SLX4: variants seen among roughly 807,000 people sequenced by gnomAD.
The protein encoded by SLX4 is structure-specific endonuclease subunit SLX4.
SLX4 carries 112 observed loss-of-function variants against 146.2 expected under a neutral mutation model. The ratio of observed to expected loss-of-function variants is 0.77; its 90% CI spans 0.66 to 0.90. The LOEUF (loss-of-function observed/expected upper bound fraction) is 0.90. Among genes scored for constraint, SLX4 ranks in the 40% least tolerant of loss-of-function variants. The pLI, the probability that SLX4 is intolerant of heterozygous loss-of-function variation, is 0.00. For missense variants in SLX4, 2,563 were observed against 2,392.7 expected, an observed-to-expected ratio of 1.07 and a Z score of -1.49; for synonymous variants, 1,061 against 997.7, an observed-to-expected ratio of 1.06 and a Z score of -1.20.
Position 3,582,279 on chromosome 16 carries a change from C to A in SLX4, c.*63G>T. ...ACCCACGCTGGGTGTCCCAGGTCCTCCCTGCAAATGGCGGGGGTGGGGGCT... is the reference window on the plus strand; with the variant it reads ...ACCCACGCTGGGTGTCCCAGGTCCTACCTGCAAATGGCGGGGGTGGGGGCT... On this transcript the variant is annotated 3_prime_UTR_variant, in exon 15 of 15. Transcript: ENST00000294008. The A allele has an allele frequency of 6.8e-7, 1 of 1,471,500 alleles. No homozygotes were observed. The highest frequency in any genetic ancestry group is 9.3e-7 in the Non-Finnish European group (1 of 1,077,766). The allele number at this position is 1,471,500 out of a possible 1,614,324, so 91.2% of individuals were successfully genotyped here.
rs1280479972 is a variant in SLX4, at chr16:3,609,268, C to A, written c.-304G>T. 3.0e-6 allele frequency: 1 copy of A among 337,870 alleles called. No individual in the cohort carries two copies. The highest frequency in any genetic ancestry group is 5.7e-6 in the Non-Finnish European group (1 of 174,164). The allele number at this position is 337,870 out of a possible 1,614,324, so 20.9% of individuals were successfully genotyped here. A position where few individuals can be genotyped will look rare whatever the true frequency, so the allele number is the denominator to read the frequency against. On this transcript the variant is annotated 5_prime_UTR_variant, in exon 2 of 15. Transcript: ENST00000294008. ...CTGAAAATACAAAAAATTGGCCAGG[C>A]GTGGTAGCAGATGCCTGTAATCCCA...
rs1484366381 is a variant in SLX4, at chr16:3,590,485, T to C, written c.3153A>G (p.Thr1051=). Residue 1051 remains threonine, a synonymous_variant, in exon 12 of 15, where the codon ACA becomes ACG. Transcript: ENST00000294008. The surrounding 1 kb of genome is among the most constrained non-coding windows in gnomAD (Gnocchi z 4.8). ...GGGGTGTTGACAGGGACGACCCACT[T>C]GTGTGATGAGACCCGCGGGGACTCC... ...QGGSPRGSHH[T]SGSSLSTPRS... is the part of the protein sequence containing the mutation. The C allele has an allele frequency of 1.2e-6, 2 of 1,613,970 alleles. No homozygotes were observed. The highest frequency in any genetic ancestry group is 8.5e-7 in the Non-Finnish European group (1 of 1,179,906).
At position 3,597,368 on chromosome 16, in the gene SLX4, G is replaced by A; in HGVS notation, c.1683+11C>T. ...AAAAGCCTATCCATGTGCCTGAGGGGAGGGACTCACCTGGGCAGGCCGCTG... is the reference window on the plus strand; with the variant it reads ...AAAAGCCTATCCATGTGCCTGAGGGAAGGGACTCACCTGGGCAGGCCGCTG... On this transcript the variant is annotated intron_variant, in intron 7 of 14. Coordinates refer to ENST00000294008, the MANE Select transcript of SLX4 (RefSeq NM_032444.4). The surrounding 1 kb of genome is among the most constrained non-coding windows in gnomAD (Gnocchi z 4.4). 6.5e-7 allele frequency: 1 copy of A among 1,538,710 alleles called. No individual in the cohort carries two copies. The highest frequency in any genetic ancestry group is 1.4e-5 in the African/African-American group (1 of 73,688).
At position 3,595,632 on chromosome 16, in the gene SLX4, C is replaced by A; in HGVS notation, c.1986G>T (p.Lys662Asn). The stretch of plus-strand genomic sequence containing the variant: ...AGGTGCGGCCGCCCCTGTCCGGGTG[C>A]TTGTCCTGCGATGGCACCACAAACC... The part of the protein sequence containing the change: ...LTGFVVPSQD[K>N]HPDRGGRTLL... Residue 662 changes from lysine to asparagine, a missense_variant, in exon 9 of 15, where the codon AAG becomes AAT. Lys to Asn is a moderately conservative substitution (Grantham distance 94). Coordinates refer to ENST00000294008, the MANE Select transcript of SLX4 (RefSeq NM_032444.4). The A allele has an allele frequency of 6.2e-7, 1 of 1,614,084 alleles. No individual in the cohort carries two copies. Among genetic ancestry groups the A allele is most frequent in the African/African-American group, 1.3e-5 (1 of 75,052 alleles).
At chr16:3,594,299 G>A (rs1428790652) in intron 10 of SLX4, among the ~76,000 whole-genome samples, 154 bp downstream of exon 10, 1 of 152,104 alleles carries the variant, frequency 6.6e-6, no homozygotes, top group Non-Finnish European at 1.5e-5. Flanking sequence ...ACGGATGGTT[G>A]GGAGGGAGAA....
At chr16:3,591,353 G>T in intron 11 of SLX4, 43 bp from the exon 12 acceptor site, 1 of 1,603,500 alleles carries the variant, frequency 6.2e-7, no homozygotes, top group South Asian at 1.1e-5. Context: ...TCTGCGTGGA[G>T]ATGGGCTCTG....
chr16:3,592,594 A>T, intron 11 of SLX4, 105 bp downstream of exon 11: 1 of 1,303,186 alleles, frequency 7.7e-7, no homozygotes, highest in Non-Finnish European at 1.1e-6. Context: ...CAGGACTGTT[A>T]GTTCTCTTGG....
chr16:3,596,027 G>A lies in SLX4; in HGVS notation c.1924+126C>T, dbSNP rs1001605092. 31 of 1,371,272 alleles carry A rather than the reference G, an allele frequency of 2.3e-5. No individual in the cohort carries two copies. The Admixed American group carries it at 5.2e-4, about 23-fold the overall frequency. 84.9% of individuals were successfully genotyped at this position (1,371,272 alleles called of 1,614,324 possible). On this transcript the variant is annotated intron_variant, in intron 8 of 14. Coordinates refer to ENST00000294008, the MANE Select transcript of SLX4 (RefSeq NM_032444.4). ...AAAAATGAAAGCGCCCAGAGGCTGC[G>A]TGTTCTCCCACCAGGTCAGAGCTGC...
At chr16:3,607,894 A>T (rs2040804916) in intron 2 of SLX4, among the ~76,000 whole-genome samples, 1 of 152,250 alleles carries the variant, frequency 6.6e-6, no homozygotes, top group Admixed American at 6.5e-5. Context: ...GAGAAGCAGC[A>T]TTATTGTGTT....
In SLX4 at chr16:3,589,226, C is replaced by T. The variant is rs748571054; in HGVS notation, c.4412G>A (p.Gly1471Glu). Residue 1471 changes from glycine to glutamate, a missense_variant, in exon 12 of 15, where the codon GGA becomes GAA. Transcript: ENST00000294008. The surrounding 1 kb of genome is among the most constrained non-coding windows in gnomAD (Gnocchi z 6.2). ...AADSRDCRSP[G>E]LLDTTPIRGS... ...TCGGATGGGGGTGGTGTCCAGGAGT[C>T]CCGGGGAGCGACAGTCACGGCTGTC... The T allele has an allele frequency of 1.2e-6, 2 of 1,610,458 alleles. No homozygotes were observed. The highest frequency in any genetic ancestry group is 2.2e-5 in the South Asian group (2 of 90,982).
intron 9 of SLX4, 43 bp downstream of exon 9, chr16:3,595,562 G>C (rs1405775390): frequency 6.2e-7 from 1 of 1,606,918 alleles, no homozygotes; most frequent in Non-Finnish European, 8.5e-7. Context: ...ATGGCAAGTG[G>C]GATGGCCGGG....
In SLX4 at chr16:3,608,601, T is replaced by G. The variant is rs2040812728; in HGVS notation, c.364A>C (p.Lys122Gln). 3 of 1,613,988 alleles carry G rather than the reference T, an allele frequency of 1.9e-6. No individual in the cohort carries two copies. The highest frequency in any genetic ancestry group is 3.3e-5 in the Admixed American group (2 of 59,972). ...GCTTGCCATTTGGTTACCCTTTGCT[T>G]TTTAGTCCTAGGGGCCTGGCTGCCA... ...PSGSQAPRTK[K>Q]QRVTKWQASE... Residue 122 changes from lysine (K) to glutamine (Q), a missense_variant, in exon 2 of 15, where the codon AAG becomes CAG. Transcript: ENST00000294008.
In SLX4 at chr16:3,594,587, G is replaced by T. The variant is rs199711185; in HGVS notation, c.2026C>A (p.Leu676Met). Residue 676 changes from leucine (L) to methionine (M), a missense_variant, in exon 10 of 15, where the codon CTG becomes ATG. By Grantham distance (15) the Leu-to-Met change is conservative. Transcript: ENST00000294008. ...RGGRTLLSLG[L>M]LVADFGAMVN... Reference sequence around the variant, plus strand: ...ATGGCGCCAAAGTCAGCAACCAGCAGCCCGAGGGAGAGCTGAAGCAGGAGG... The same window carrying T: ...ATGGCGCCAAAGTCAGCAACCAGCATCCCGAGGGAGAGCTGAAGCAGGAGG... 6.2e-7 allele frequency: 1 copy of T among 1,614,104 alleles called. No homozygotes were observed.
Position 3,590,433 on chromosome 16 carries a change from C to A in SLX4, c.3205G>T (p.Gly1069Cys). The change falls in exon 12 of 15, where the codon GGC becomes TGC. Residue 1069 changes from glycine (G) to cysteine (C), a missense_variant. Coordinates refer to ENST00000294008, the MANE Select transcript of SLX4 (RefSeq NM_032444.4). The surrounding 1 kb of genome is among the most constrained non-coding windows in gnomAD (Gnocchi z 4.8). ...PRSRGGTSQV[G>C]SPTLLSPAVP... ...GCTGGAGACAGCAAGGTTGGGGAGCCCACCTGGGAAGTTCCGCCACGGGAC... is the reference window on the plus strand; with the variant it reads ...GCTGGAGACAGCAAGGTTGGGGAGCACACCTGGGAAGTTCCGCCACGGGAC... The A allele has an allele frequency of 1.2e-6, 2 of 1,614,180 alleles. No homozygotes were observed. The highest frequency in any genetic ancestry group is 1.7e-6 in the Non-Finnish European group (2 of 1,180,028).
At position 3,589,482 on chromosome 16, in the gene SLX4, G is replaced by A. The variant is rs1374549534; in HGVS notation, c.4156C>T (p.Gln1386Ter). Residue 1386 changes from glutamine to a stop codon, truncating the protein, a stop_gained, in exon 12 of 15, where the codon CAG (glutamine) becomes TAG (stop). Coordinates refer to ENST00000294008, the MANE Select transcript of SLX4 (RefSeq NM_032444.4). LOFTEE classifies it high-confidence loss of function. This position sits in a 1 kb window ranked among gnomAD's most constrained non-coding sequence, Gnocchi z 6.2. ...HSPPGPSFLNQTPAGEVVEVG... is the reference protein window; with the variant it reads ...HSPPGPSFLN ...TCCACCACTTCACCCGCTGGGGTCTGGTTCAGGAAGCTTGGCCCAGGCGGC... is the reference window on the plus strand; with the variant it reads ...TCCACCACTTCACCCGCTGGGGTCTAGTTCAGGAAGCTTGGCCCAGGCGGC... 3 of 1,610,246 alleles carry A rather than the reference G, an allele frequency of 1.9e-6. No homozygotes were observed. The highest frequency in any genetic ancestry group is 2.5e-6 in the Non-Finnish European group (3 of 1,177,228).
At chr16:3,586,597 G>C (rs1367536681) in intron 12 of SLX4, among the ~76,000 whole-genome samples, 1 of 152,142 alleles carries the variant, frequency 6.6e-6, no homozygotes, top group Non-Finnish European at 1.5e-5. Context: ...GATCACTTGA[G>C]GTTAGGAGTT....
rs78770603 is a variant in SLX4 at position 3,589,038 on chromosome 16, C to A, written c.4600G>T (p.Gly1534Cys). 26 of 1,614,036 alleles carry A rather than the reference C, an allele frequency of 1.6e-5. No homozygotes were observed. The highest frequency in any genetic ancestry group is 2.1e-5 in the Non-Finnish European group (25 of 1,180,048). The change falls in exon 12 of 15, where the codon GGT becomes TGT. Residue 1534 changes from glycine to cysteine, a missense_variant. Transcript: ENST00000294008. This position sits in a 1 kb window ranked among gnomAD's most constrained non-coding sequence, Gnocchi z 6.2. ...TPPPAQMPSAGGAQKPEGLET... is the reference protein window; with the variant it reads ...TPPPAQMPSACGAQKPEGLET... ...AACCCTTCGGGCTTCTGAGCTCCACCAGCGCTTGGCATCTGGGCCGGAGGA... is the reference window on the plus strand; with the variant it reads ...AACCCTTCGGGCTTCTGAGCTCCACAAGCGCTTGGCATCTGGGCCGGAGGA...
At chr16:3,593,663 A>G (rs552131176) in intron 10 of SLX4, among the ~76,000 whole-genome samples, 10 of 152,346 alleles carry the variant, frequency 6.6e-5, no homozygotes, top group African/African-American at 2.4e-4. Context: ...CCCCGTTAAG[A>G]GTCCTCCTGA....
At chr16:3,598,562 G>A (rs1463125278) in intron 5 of SLX4, among the ~76,000 whole-genome samples, 1 of 152,206 alleles carries the variant, frequency 6.6e-6, no homozygotes, top group African/African-American at 2.4e-5. Flanking sequence ...TGGTTTGGAG[G>A]AAATGAACAG....
Sources: allele counts gnomAD v4.1 joint callset (sites outside exome capture counted in the v4.1 genomes callset), GRCh38; gene constraint gnomAD v4.1.1; non-coding constraint Gnocchi (gnomAD v3.1); transcripts MANE v1.5; gene names NCBI Gene and HGNC (gene_info 2026-07-23, HGNC 2026-07-21).